The following CERS6 variants were observed in gnomAD, a reference collection of about 807,000 sequenced individuals.
The protein encoded by CERS6 is ceramide synthase 6, also known as LAG1 homolog, ceramide synthase 6.
In CERS6, 26 loss-of-function variants were observed where a neutral mutation model predicts 56.8. That is an observed-to-expected ratio of 0.46 (90% CI 0.34 to 0.63). The LOEUF (loss-of-function observed/expected upper bound fraction) is 0.63, where lower values mean the gene tolerates loss of function less well. Ranked by LOEUF, CERS6 falls within the 30% of genes least tolerant of loss-of-function variation. The pLI is 0.01. For missense variants in CERS6, 415 were observed against 467.5 expected, an observed-to-expected ratio of 0.89 and a Z score of 1.04; for synonymous variants, 164 against 173.3, an observed-to-expected ratio of 0.95 and a Z score of 0.42.
chr2:168,631,804 T>C, intron 4 of CERS6, among the ~76,000 whole-genome samples: 1 of 129,508 alleles, frequency 7.7e-6, no homozygotes, highest in Non-Finnish European at 1.6e-5. Flanking sequence ...ATAATATATA[T>C]TATATAATTT....
intron 8 of CERS6, among the ~76,000 whole-genome samples, chr2:168,760,057 A>C (rs906847112): frequency 7.9e-5 from 12 of 152,306 alleles, no homozygotes; most frequent in Admixed American, 3.9e-4. Context: ...CATCACCCAG[A>C]TCAAGATACA....
chr2:168,518,701 G>A (rs1694925888), intron 1 of CERS6, among the ~76,000 whole-genome samples: 1 of 152,090 alleles, frequency 6.6e-6, no homozygotes, highest in South Asian at 2.1e-4. Flanking sequence ...TGTCTGTAGG[G>A]CCTCTGATCA....
At chr2:168,566,967 A>C (rs1695894794) in intron 3 of CERS6, among the ~76,000 whole-genome samples, 1 of 152,204 alleles carries the variant, frequency 6.6e-6, no homozygotes, top group African/African-American at 2.4e-5. Flanking sequence ...CCTCATAATG[A>C]ATGCAGTTTT....
At chr2:168,621,741 T>C (rs1408094691) in intron 3 of CERS6, among the ~76,000 whole-genome samples, 1 of 152,052 alleles carries the variant, frequency 6.6e-6, no homozygotes, top group Non-Finnish European at 1.5e-5. Context: ...ACCAAAGCAC[T>C]AAAAAACAAA....
intron 3 of CERS6, among the ~76,000 whole-genome samples, chr2:168,621,494 C>T (rs950181947): frequency 6.6e-6 from 1 of 151,994 alleles, no homozygotes; most frequent in African/African-American, 2.4e-5. Flanking sequence ...CTAGAAGTAA[C>T]GAGAGGTATT....
At chr2:168,684,258 C>T (rs1686290616) in intron 4 of CERS6, among the ~76,000 whole-genome samples, 1 of 152,110 alleles carries the variant, frequency 6.6e-6, no homozygotes, top group Non-Finnish European at 1.5e-5. Context: ...GGAGGGGTTA[C>T]TGCTGTGCTT....
intron 1 of CERS6, among the ~76,000 whole-genome samples, chr2:168,528,301 T>G (rs1695105233): frequency 6.6e-6 from 1 of 152,190 alleles, no homozygotes; most frequent in Non-Finnish European, 1.5e-5. Flanking sequence ...TTTCTTACTT[T>G]TCCCCAGCAA....
At chr2:168,562,654 G>A (rs1271825854) in intron 3 of CERS6, among the ~76,000 whole-genome samples, 1 of 152,138 alleles carries the variant, frequency 6.6e-6, no homozygotes, top group Admixed American at 6.5e-5. Context: ...AACATGTCTC[G>A]CCTCCCACCA....
At chr2:168,651,455 G>A (rs565558606) in intron 4 of CERS6, among the ~76,000 whole-genome samples, 27 of 152,244 alleles carry the variant, frequency 1.8e-4, no homozygotes, top group Non-Finnish European at 3.5e-4. Context: ...GTATTAGTTC[G>A]TTTTCATACT....
chr2:168,725,205 C>T (rs1180344252), intron 8 of CERS6, among the ~76,000 whole-genome samples: 1 of 152,270 alleles, frequency 6.6e-6, no homozygotes, highest in Non-Finnish European at 1.5e-5. Flanking sequence ...CAGGGCCCGC[C>T]AAGCCCACGC....
chr2:168,501,229 C>T (rs111751672), intron 1 of CERS6, among the ~76,000 whole-genome samples: 1 of 152,286 alleles, frequency 6.6e-6, no homozygotes, highest in African/African-American at 2.4e-5. Context: ...CATGATTCAG[C>T]AGGGGTAGGT....
At chr2:168,696,322 C>T (rs893648171) in intron 6 of CERS6, among the ~76,000 whole-genome samples, 2 of 152,158 alleles carry the variant, frequency 1.3e-5, no homozygotes, top group Admixed American at 6.5e-5. Flanking sequence ...CCTTTGCTCT[C>T]GTTTTTGCCA....
chr2:168,694,150 A>G (rs115064755), intron 5 of CERS6, among the ~76,000 whole-genome samples: 1,806 of 152,330 alleles, frequency 0.012, 29 homozygotes, highest in Middle Eastern at 0.048. Context: ...CAATATAACA[A>G]TTAAAAACAA....
chr2:168,495,422 A>G (rs548287881), intron 1 of CERS6, among the ~76,000 whole-genome samples: 1 of 152,318 alleles, frequency 6.6e-6, no homozygotes, highest in African/African-American at 2.4e-5. Flanking sequence ...GTAAAAATGC[A>G]CAATGCAGTT....
At chr2:168,541,173 C>A (rs1454096922) in intron 1 of CERS6, among the ~76,000 whole-genome samples, 1 of 152,130 alleles carries the variant, frequency 6.6e-6, no homozygotes, top group Non-Finnish European at 1.5e-5. Context: ...TCACCCACCC[C>A]TGAGGGACAG....
At chr2:168,579,850 C>T (rs780883926) in intron 3 of CERS6, among the ~76,000 whole-genome samples, 11 of 152,192 alleles carry the variant, frequency 7.2e-5, no homozygotes, top group African/African-American at 1.4e-4. Context: ...GCTTGCTGGG[C>T]TCGTTCCTGC....
intron 4 of CERS6, among the ~76,000 whole-genome samples, chr2:168,661,724 T>C (rs114231019): frequency 0.031 from 4,654 of 152,266 alleles, 251 homozygotes; most frequent in African/African-American, 0.1. Flanking sequence ...CTTTGAAAAC[T>C]AGGATCCCTG....
intron 4 of CERS6, among the ~76,000 whole-genome samples, chr2:168,688,674 A>C (rs773438150): frequency 1.2e-4 from 18 of 152,200 alleles, no homozygotes; most frequent in African/African-American, 4.3e-4. Context: ...ATATGTGAAC[A>C]TGCATTCTGT....
At chr2:168,525,431 TA>T (rs1262343566) in intron 1 of CERS6, among the ~76,000 whole-genome samples, 1 of 152,236 alleles carries the variant, frequency 6.6e-6, no homozygotes, top group Non-Finnish European at 1.5e-5. Context: ...GGATTTTTGT[TA>T]AAACACAAAA....
Sources: gnomAD v4.1 joint callset for allele counts (sites outside exome capture counted in the v4.1 genomes callset) on GRCh38, gnomAD v4.1.1 for gene constraint, MANE v1.5 for transcripts, NCBI Gene and HGNC (gene_info 2026-07-23, HGNC 2026-07-21) for gene names.